SMS: variants seen among roughly 807,000 people sequenced by gnomAD.
The protein encoded by SMS is spermine synthase, also known as spermidine aminopropyltransferase.
In SMS, 3 loss-of-function variants were observed where a neutral mutation model predicts 33.0. The ratio of observed to expected loss-of-function variants is 0.09; its 90% confidence interval spans 0.04 to 0.23. SMS has a LOEUF of 0.23. SMS is among the 10% of genes least tolerant of loss of function. The probability of loss-of-function intolerance (pLI) is 1.00; values close to 1 mark genes in which losing one functional copy is unlikely to be tolerated. For missense variants in SMS, 117 were observed against 288.6 expected, an observed-to-expected ratio of 0.41 and a Z score of 4.31; for synonymous variants, 103 against 112.2, an observed-to-expected ratio of 0.92 and a Z score of 0.52.
At chrX:21,990,339 C>T (rs1428836077) in intron 9 of SMS, among the ~76,000 whole-genome samples, 1 of 112,278 alleles carries the variant, frequency 8.9e-6, no homozygotes, top group Non-Finnish European at 1.9e-5. Context: ...TCTTAAAACC[C>T]CAGTGTCCTA....
chrX:21,987,841 C>T (rs1054774738), intron 9 of SMS, among the ~76,000 whole-genome samples: 3 of 112,190 alleles, frequency 2.7e-5, no homozygotes, highest in Non-Finnish European at 5.6e-5. Context: ...AGTGGCTGTT[C>T]TTCTTTTGTT....
At chrX:21,965,584 C>CG (rs1555998144) in intron 1 of SMS, among the ~76,000 whole-genome samples, 1 of 60,642 alleles carries the variant, frequency 1.6e-5, no homozygotes, top group Admixed American at 2.3e-4. Flanking sequence ...ACTACAAATA[C>CG]AAAAAAAAAA....
chrX:21,955,508 G>C (rs1170440934), intron 1 of SMS, among the ~76,000 whole-genome samples: 28 of 111,973 alleles, frequency 2.5e-4, no homozygotes, highest in Non-Finnish European at 1.9e-5. Flanking sequence ...ATGCATTCCT[G>C]AGTCATCTCC....
intron 4 of SMS, among the ~76,000 whole-genome samples, chrX:21,976,488 G>C (rs535099386): frequency 9.1e-6 from 1 of 110,183 alleles, no homozygotes; most frequent in Admixed American, 9.8e-5. Context: ...GTAAACCCAC[G>C]AGTCATTTTT....
chrX:21,962,935 A>G (rs1602195511), intron 1 of SMS, among the ~76,000 whole-genome samples: 1 of 111,612 alleles, frequency 9.0e-6, no homozygotes, highest in Middle Eastern at 4.6e-3. Flanking sequence ...GATTACAGGC[A>G]TGAAACACCA....
intron 2 of SMS, 75 bp downstream of exon 2, chrX:21,967,391 G>T (rs1480829362): frequency 1.3e-5 from 14 of 1,089,448 alleles, no homozygotes; most frequent in South Asian, 1.1e-4. Flanking sequence ...GAGGATGGGG[G>T]TGGCATCCGG....
At chrX:21,946,542 C>G (rs1490730992) in intron 1 of SMS, among the ~76,000 whole-genome samples, 1 of 111,598 alleles carries the variant, frequency 9.0e-6, no homozygotes, top group East Asian at 2.8e-4. Flanking sequence ...AGCTGGAATT[C>G]AAAGCCATGT....
intron 2 of SMS, among the ~76,000 whole-genome samples, chrX:21,969,051 T>C (rs1923937082): frequency 9.0e-6 from 1 of 111,507 alleles, no homozygotes; most frequent in Non-Finnish European, 1.9e-5. Flanking sequence ...TTTTCTCTCT[T>C]TGTTTCTCTA....
At position 21,985,193 on chromosome X, in the gene SMS, G is replaced by A. The variant is rs756777015; in HGVS notation, c.915G>A (p.Val305=). ...TGATTCTTGACCTCTCAATGAAAGTGTTGAAACAGGATGGGAAATATTTTA... is the reference window on the plus strand; with the variant it reads ...TGATTCTTGACCTCTCAATGAAAGTATTGAAACAGGATGGGAAATATTTTA... ...LRLILDLSMK[V]LKQDGKYFTQ... The change falls in exon 9 of 11, where the codon GTG becomes GTA. Residue 305 remains valine (V), a synonymous_variant. Coordinates refer to ENST00000404933, the MANE Select transcript of SMS (RefSeq NM_004595.5). The A allele has an allele frequency of 5.9e-6, 7 of 1,184,445 alleles. No individual in the cohort carries two copies. The South Asian group carries it at 8.9e-5, about 15-fold the overall frequency.
chrX:21,987,564 C>G (rs1925436226), intron 9 of SMS, among the ~76,000 whole-genome samples: 1 of 112,697 alleles, frequency 8.9e-6, no homozygotes, highest in African/African-American at 3.2e-5. Context: ...TTCGAGTAAT[C>G]CTCCTCCATC....
intron 9 of SMS, among the ~76,000 whole-genome samples, chrX:21,990,375 G>T (rs1468266433): frequency 8.9e-6 from 1 of 112,710 alleles, no homozygotes; most frequent in African/African-American, 3.2e-5. Context: ...ACATTGGGCA[G>T]TGAGCCCCTT....
chrX:21,946,750 G>A (rs1220441127), intron 1 of SMS, among the ~76,000 whole-genome samples: 1 of 111,817 alleles, frequency 8.9e-6, no homozygotes, highest in Non-Finnish European at 1.9e-5. Context: ...CTGCGGCATT[G>A]ACAGCCCAAA....
intron 6 of SMS, among the ~76,000 whole-genome samples, chrX:21,978,322 C>T (rs1268998851): frequency 9.0e-6 from 1 of 111,700 alleles, no homozygotes; most frequent in East Asian, 2.8e-4. Flanking sequence ...TGCCTGTAAT[C>T]CTAGCACTTT....
chrX:21,992,591 A>C lies in SMS; in HGVS notation c.946-6A>C, dbSNP rs1266751579. The C allele has an allele frequency of 8.6e-7, 1 of 1,157,979 alleles. No homozygotes were observed. Among genetic ancestry groups the C allele is most frequent in the Non-Finnish European group, 1.2e-6 (1 of 848,124 alleles). ...AATCCCATTTGCTTATCTCTCTTTGATTTAGGGGAACTGTGTCAATCTGAC... is the reference window on the plus strand; with the variant it reads ...AATCCCATTTGCTTATCTCTCTTTGCTTTAGGGGAACTGTGTCAATCTGAC... On this transcript the variant is annotated splice_polypyrimidine_tract_variant and splice_region_variant and intron_variant, in intron 9 of 10. Transcript: ENST00000404933.
intron 9 of SMS, among the ~76,000 whole-genome samples, chrX:21,988,558 G>A (rs956673448): frequency 1.8e-5 from 2 of 108,696 alleles, no homozygotes; most frequent in Non-Finnish European, 3.8e-5. Context: ...CCAGCTACTC[G>A]GGAGGCTGAG....
intron 1 of SMS, among the ~76,000 whole-genome samples, chrX:21,958,196 C>G (rs1923103470): frequency 8.9e-6 from 1 of 112,056 alleles, no homozygotes; most frequent in Admixed American, 9.4e-5. Context: ...AAGCCAATGC[C>G]TAGAAGAGTT....
At chrX:21,974,635 T>C (rs1924416948) in intron 4 of SMS, among the ~76,000 whole-genome samples, 1 of 111,751 alleles carries the variant, frequency 8.9e-6, no homozygotes, top group Non-Finnish European at 1.9e-5. Flanking sequence ...ACAGCATACA[T>C]TTATGGGCTT....
At chrX:21,976,270 A>G (rs1444073569) in intron 4 of SMS, among the ~76,000 whole-genome samples, 1 of 111,290 alleles carries the variant, frequency 9.0e-6, no homozygotes, top group Non-Finnish European at 1.9e-5. Context: ...CTAGTTTCAG[A>G]GCACCACCCC....
chrX:21,985,480 C>T (rs987870171), intron 9 of SMS, among the ~76,000 whole-genome samples: 1 of 111,600 alleles, frequency 9.0e-6, no homozygotes, highest in African/African-American at 3.3e-5. Context: ...CCCCTCCCCT[C>T]ATCAACATAC....
Sources: gnomAD v4.1 joint callset for allele counts (sites outside exome capture counted in the v4.1 genomes callset) on GRCh38, gnomAD v4.1.1 for gene constraint, MANE v1.5 for transcripts, NCBI Gene and HGNC (gene_info 2026-07-23, HGNC 2026-07-21) for gene names.